TENM3: variants seen among roughly 807,000 people sequenced by gnomAD.
The protein encoded by TENM3 is teneurin-3.
A neutral mutation model predicts 255.1 loss-of-function variants in TENM3; 63 were observed. The ratio of observed to expected loss-of-function variants is 0.25; its 90% CI spans 0.20 to 0.30. TENM3 has a LOEUF of 0.30. Ranked by LOEUF, TENM3 falls within the 10% of genes least tolerant of loss-of-function variation. TENM3 has a pLI of 1.00. For synonymous variants in TENM3, 1,306 were observed against 1,322.3 expected, an observed-to-expected ratio of 0.99 and a Z score of 0.27; for missense variants, 2,929 against 3,461.1, an observed-to-expected ratio of 0.85 and a Z score of 3.86.
chr4:182,311,096 A>G (rs1384926901), intron 1 of TENM3, among the ~76,000 whole-genome samples: 1 of 152,212 alleles, frequency 6.6e-6, no homozygotes, highest in Non-Finnish European at 1.5e-5. Flanking sequence ...GATGACAGAC[A>G]AGCAAAGAGA....
chr4:182,209,282 T>A (rs1264288057), intron 1 of TENM3, among the ~76,000 whole-genome samples: 1 of 145,672 alleles, frequency 6.9e-6, no homozygotes, highest in African/African-American at 2.5e-5. Context: ...TGTCCCTCTT[T>A]AAAAAAAAAA....
chr4:182,286,811 C>A (rs1336790934), intron 1 of TENM3, among the ~76,000 whole-genome samples: 1 of 152,116 alleles, frequency 6.6e-6, no homozygotes, highest in Non-Finnish European at 1.5e-5. Context: ...GCAGTCTTGC[C>A]CCCTCCTTTC....
chr4:181,493,296 TAAA>T, the TENM3 span, among the ~76,000 whole-genome samples: 52 of 124,370 alleles, frequency 4.2e-4, no homozygotes, highest in African/African-American at 1.0e-3. Context: ...AACCAGTCTC[TAAA>T]AAAAAAAAAA....
chr4:181,853,637 GA>G, the TENM3 span, among the ~76,000 whole-genome samples: 1 of 152,168 alleles, frequency 6.6e-6, no homozygotes, highest in South Asian at 2.1e-4. Flanking sequence ...CAGCAATTTT[GA>G]AATCTAACAG....
At chr4:181,632,763 G>T in the TENM3 span, among the ~76,000 whole-genome samples, 38 of 152,218 alleles carry the variant, frequency 2.5e-4, no homozygotes, top group Non-Finnish European at 4.1e-4. Context: ...TTCCCTGAAT[G>T]TTGCCTTACT....
chr4:182,078,397 C>A, the TENM3 span, among the ~76,000 whole-genome samples: 1 of 152,054 alleles, frequency 6.6e-6, no homozygotes, highest in East Asian at 1.9e-4. Flanking sequence ...TGGTGTGCAC[C>A]TTTAGTCCCA....
chr4:181,568,613 T>A, the TENM3 span, among the ~76,000 whole-genome samples: 1 of 152,194 alleles, frequency 6.6e-6, no homozygotes, highest in Admixed American at 6.5e-5. Flanking sequence ...ATCTGGTACC[T>A]AGGACCTTTA....
At chr4:181,952,552 G>A in the TENM3 span, among the ~76,000 whole-genome samples, 5 of 152,342 alleles carry the variant, frequency 3.3e-5, no homozygotes, top group South Asian at 2.1e-4. Flanking sequence ...ATATTCGGAA[G>A]GGAAGAAAGA....
At chr4:181,969,332 G>C in the TENM3 span, among the ~76,000 whole-genome samples, 1 of 152,142 alleles carries the variant, frequency 6.6e-6, no homozygotes, top group South Asian at 2.1e-4. Flanking sequence ...CAGTTAGCCA[G>C]CTGGAAAATT....
the TENM3 span, among the ~76,000 whole-genome samples, chr4:181,795,018 A>G: frequency 6.6e-6 from 1 of 152,202 alleles, no homozygotes; most frequent in Non-Finnish European, 1.5e-5. Context: ...CACCTACACT[A>G]ACAATAGCCT....
At chr4:182,102,485 A>C in the TENM3 span, among the ~76,000 whole-genome samples, 1 of 152,220 alleles carries the variant, frequency 6.6e-6, no homozygotes, top group Non-Finnish European at 1.5e-5. Context: ...GTCCCGTCTA[A>C]TGTCATGGCC....
chr4:182,496,102 A>C (rs1735747932), intron 3 of TENM3, among the ~76,000 whole-genome samples: 1 of 152,144 alleles, frequency 6.6e-6, no homozygotes, highest in South Asian at 2.1e-4. Flanking sequence ...TTCTTATTGC[A>C]TGATAGAATT....
chr4:182,417,995 A>G (rs569647374), intron 3 of TENM3, among the ~76,000 whole-genome samples: 2 of 144,506 alleles, frequency 1.4e-5, no homozygotes, highest in Admixed American at 1.4e-4. Context: ...CCTAATTTTG[A>G]AAAAAATTCT....
intron 12 of TENM3, among the ~76,000 whole-genome samples, chr4:182,692,085 G>A (rs1334556884): frequency 1.3e-5 from 2 of 152,282 alleles, no homozygotes; most frequent in South Asian, 2.1e-4. Flanking sequence ...GACATAATAA[G>A]AATATTATCT....
intron 1 of TENM3, among the ~76,000 whole-genome samples, chr4:182,313,980 G>C (rs974645638): frequency 1.3e-5 from 2 of 152,112 alleles, no homozygotes; most frequent in Non-Finnish European, 2.9e-5. Context: ...TAAATACATT[G>C]ATTTTCTTTA....
the TENM3 span, among the ~76,000 whole-genome samples, chr4:181,953,623 T>C: frequency 6.6e-6 from 1 of 151,838 alleles, no homozygotes. Flanking sequence ...GAGGTTGCAG[T>C]GAGCCAAGAT....
chr4:181,942,269 CTTT>C, the TENM3 span, among the ~76,000 whole-genome samples: 1,663 of 106,176 alleles, frequency 0.016, 16 homozygotes, highest in African/African-American at 0.057. Flanking sequence ...GATGTTGGGC[CTTT>C]TTTTTTTTTT....
upstream of TENM3, among the ~76,000 whole-genome samples, chr4:182,140,918 G>A (rs922670163): frequency 6.6e-6 from 1 of 152,120 alleles, no homozygotes; most frequent in Non-Finnish European, 1.5e-5. Flanking sequence ...TGTTGGCCTT[G>A]CCTCAGTAGT....
At chr4:182,041,584 G>C in the TENM3 span, among the ~76,000 whole-genome samples, 2 of 152,140 alleles carry the variant, frequency 1.3e-5, no homozygotes, top group African/African-American at 2.4e-5. Flanking sequence ...TTTTCAAAAA[G>C]TATTAGAACT....
Sources: allele counts gnomAD v4.1 joint callset (sites outside exome capture counted in the v4.1 genomes callset), GRCh38; gene constraint gnomAD v4.1.1; transcripts MANE v1.5; gene names NCBI Gene and HGNC (gene_info 2026-07-23, HGNC 2026-07-21).